ROBO1: variants seen among roughly 807,000 people sequenced by gnomAD.
The protein encoded by ROBO1 is roundabout homolog 1.
Under a neutral mutation model 195.9 loss-of-function variants are expected in ROBO1, and 149 were observed. The ratio of observed to expected loss-of-function variants is 0.76; its 90% CI spans 0.67 to 0.87. The LOEUF (loss-of-function observed/expected upper bound fraction) is 0.87, where lower values mean the gene tolerates loss of function less well. Ranked by LOEUF, ROBO1 falls within the 40% of genes least tolerant of loss-of-function variation. ROBO1 has a pLI of 0.00. For synonymous variants in ROBO1, 816 were observed against 733.2 expected, an observed-to-expected ratio of 1.11 and a Z score of -1.82; for missense variants, 1,933 against 2,068.3, an observed-to-expected ratio of 0.93 and a Z score of 1.27.
chr3:79,048,525 C>T (rs977039877), intron 3 of ROBO1, among the ~76,000 whole-genome samples: 5 of 152,122 alleles, frequency 3.3e-5, no homozygotes, highest in Non-Finnish European at 7.4e-5. Context: ...CTGGCATCCA[C>T]GCAGCTGAGT....
chr3:79,757,417 CTCT>C (rs1195735089), intron 1 of ROBO1, among the ~76,000 whole-genome samples: 2 of 152,000 alleles, frequency 1.3e-5, no homozygotes, highest in Non-Finnish European at 2.9e-5. Flanking sequence ...GACAAAACAG[CTCT>C]ATAAGCAACA....
chr3:78,858,929 G>A (rs187187789), intron 4 of ROBO1, among the ~76,000 whole-genome samples: 1 of 152,184 alleles, frequency 6.6e-6, no homozygotes, highest in Non-Finnish European at 1.5e-5. Flanking sequence ...TGAAGGCAGT[G>A]TCTAAGAGTG....
At chr3:79,016,180 C>T (rs1345851745) in intron 3 of ROBO1, among the ~76,000 whole-genome samples, 1 of 152,182 alleles carries the variant, frequency 6.6e-6, no homozygotes, top group African/African-American at 2.4e-5. Flanking sequence ...TTATTCAAAT[C>T]GATAGTGTTG....
intron 3 of ROBO1, among the ~76,000 whole-genome samples, chr3:78,940,829 C>G (rs2040089933): frequency 6.6e-6 from 1 of 152,136 alleles, no homozygotes; most frequent in South Asian, 2.1e-4. Context: ...TTATGCTTGG[C>G]AGAGTGCTGT....
intron 3 of ROBO1, among the ~76,000 whole-genome samples, chr3:78,941,296 A>G (rs182531617): frequency 2.6e-5 from 4 of 152,318 alleles, no homozygotes; most frequent in African/African-American, 9.6e-5. Flanking sequence ...AAAGAAAAAA[A>G]TTACTTGGAA....
chr3:79,679,356 T>TA (rs1049001384), intron 1 of ROBO1, among the ~76,000 whole-genome samples: 1 of 151,992 alleles, frequency 6.6e-6, no homozygotes, highest in African/African-American at 2.4e-5. Flanking sequence ...TATGTAATGA[T>TA]TTTTGAGTAT....
At chr3:79,345,300 T>C (rs963723728) in intron 2 of ROBO1, among the ~76,000 whole-genome samples, 4 of 152,192 alleles carry the variant, frequency 2.6e-5, no homozygotes, top group Admixed American at 6.5e-5. Context: ...TCCATCTTTA[T>C]AGTGCTTTTG....
intron 2 of ROBO1, among the ~76,000 whole-genome samples, chr3:79,480,440 G>A (rs534393451): frequency 3.2e-4 from 49 of 152,100 alleles, no homozygotes; most frequent in African/African-American, 2.9e-4. Flanking sequence ...TTCTAGATGG[G>A]CACACTTCAT....
chr3:79,015,741 AT>A (rs1240823489), intron 3 of ROBO1, among the ~76,000 whole-genome samples: 2 of 152,302 alleles, frequency 1.3e-5, no homozygotes, highest in Non-Finnish European at 2.9e-5. Context: ...ATGAAAGGTT[AT>A]TTTTTGTAGC....
intron 2 of ROBO1, among the ~76,000 whole-genome samples, chr3:79,453,273 T>C (rs1004308326): frequency 1.5e-4 from 23 of 152,078 alleles, no homozygotes; most frequent in South Asian, 6.2e-4. Context: ...AAAGACCATT[T>C]AGCATTGCCA....
chr3:79,606,291 CAT>C (rs1484145298), intron 1 of ROBO1, among the ~76,000 whole-genome samples: 4 of 151,924 alleles, frequency 2.6e-5, no homozygotes, highest in African/African-American at 9.7e-5. Context: ...TCGGCTCCCT[CAT>C]GTGTTCTCAT....
At position 78,598,580 on chromosome 3, in the gene ROBO1, C is replaced by T. The variant is rs531053590; in HGVS notation, c.*333G>A. Reference sequence around the variant, plus strand: ...GCATATAAGCAGTGCAATGCCATATCTCAGCGGCAAAATGCAAAAGAACAG... The same window carrying T: ...GCATATAAGCAGTGCAATGCCATATTTCAGCGGCAAAATGCAAAAGAACAG... On this transcript the variant is annotated 3_prime_UTR_variant, in exon 31 of 31. Transcript: ENST00000464233. 486 of 216,598 alleles carry T rather than the reference C, an allele frequency of 2.2e-3. 4 individuals are homozygous for T. The highest frequency in any genetic ancestry group is 0.01 in the African/African-American group (459 of 44,012). The allele number at this position is 216,598 out of a possible 1,614,324, so 13.4% of individuals were successfully genotyped here.
chr3:78,912,150 A>C (rs1486797215), intron 4 of ROBO1, among the ~76,000 whole-genome samples: 1 of 152,110 alleles, frequency 6.6e-6, no homozygotes, highest in African/African-American at 2.4e-5. Flanking sequence ...TTTACAGTTA[A>C]AAAACAGTTA....
At chr3:79,324,706 C>A (rs2109142945) in intron 2 of ROBO1, among the ~76,000 whole-genome samples, 1 of 152,184 alleles carries the variant, frequency 6.6e-6, no homozygotes, top group South Asian at 2.1e-4. Flanking sequence ...GAGAACAGAC[C>A]AGGTTAAGGG....
At chr3:79,307,911 G>GA (rs1455795509) in intron 2 of ROBO1, among the ~76,000 whole-genome samples, 3 of 152,126 alleles carry the variant, frequency 2.0e-5, no homozygotes, top group Non-Finnish European at 4.4e-5. Context: ...TAAATATCAG[G>GA]AAAAAACCTT....
At chr3:79,564,286 C>T (rs932368249) in intron 2 of ROBO1, among the ~76,000 whole-genome samples, 1 of 151,996 alleles carries the variant, frequency 6.6e-6, no homozygotes, top group Admixed American at 6.6e-5. Context: ...AGAGTGTAGG[C>T]TAGCCATGGT....
At chr3:79,046,720 GAT>G (rs2078601396) in intron 3 of ROBO1, among the ~76,000 whole-genome samples, 1 of 152,054 alleles carries the variant, frequency 6.6e-6, no homozygotes, top group African/African-American at 2.4e-5. Context: ...GCTGGCAGCT[GAT>G]TAGATGGTGC....
chr3:78,714,610 T>C, intron 7 of ROBO1, 86 bp from the exon 8 acceptor site: 1 of 1,196,384 alleles, frequency 8.4e-7, no homozygotes. Flanking sequence ...TCAAAGCACA[T>C]GCTACATTCT....
intron 2 of ROBO1, among the ~76,000 whole-genome samples, chr3:79,559,257 T>C (rs1057107593): frequency 3.3e-5 from 5 of 152,216 alleles, no homozygotes; most frequent in African/African-American, 1.2e-4. Context: ...GACCCTTACC[T>C]GGTTCTGAGT....
Sources: allele counts gnomAD v4.1 joint callset (sites outside exome capture counted in the v4.1 genomes callset), GRCh38; gene constraint gnomAD v4.1.1; transcripts MANE v1.5; gene names NCBI Gene and HGNC (gene_info 2026-07-23, HGNC 2026-07-21).